The following QTMAN variants were observed in gnomAD, a reference collection of about 807,000 sequenced individuals.
QTMAN encodes tRNA-queuosine alpha-mannosyltransferase.
the QTMAN span, among the ~76,000 whole-genome samples, chr2:144,310,905 A>AT: frequency 8.1e-4 from 122 of 150,528 alleles, no homozygotes; most frequent in Middle Eastern, 0.014. Context: ...AGAAATAAAG[A>AT]TTTTTTTTTT....
At chr2:144,187,917 AT>A in the QTMAN span, among the ~76,000 whole-genome samples, 4 of 152,210 alleles carry the variant, frequency 2.6e-5, no homozygotes, top group African/African-American at 7.2e-5. Context: ...GTTTTTCCTT[AT>A]AAAAAAGGAC....
chr2:144,227,820 C>T, the QTMAN span, among the ~76,000 whole-genome samples: 2 of 152,190 alleles, frequency 1.3e-5, no homozygotes, highest in African/African-American at 4.8e-5. Flanking sequence ...AATTCCCATT[C>T]TCCTTGCCTT....
At chr2:144,267,197 G>A in the QTMAN span, among the ~76,000 whole-genome samples, 12 of 152,194 alleles carry the variant, frequency 7.9e-5, no homozygotes, top group African/African-American at 2.9e-4. Flanking sequence ...ATCAGAGTGT[G>A]AGAATTATGA....
At chr2:144,004,647 T>C in the QTMAN span, among the ~76,000 whole-genome samples, 1 of 152,026 alleles carries the variant, frequency 6.6e-6, no homozygotes, top group African/African-American at 2.4e-5. Flanking sequence ...AAGAAACTGA[T>C]TGCTACCCCT....
At chr2:144,234,007 C>CA in the QTMAN span, among the ~76,000 whole-genome samples, 24 of 148,230 alleles carry the variant, frequency 1.6e-4, no homozygotes, top group Non-Finnish European at 2.5e-4. Flanking sequence ...AAATCCAGGC[C>CA]AAAAAAAAAG....
chr2:144,056,428 C>T, the QTMAN span, among the ~76,000 whole-genome samples: 2 of 152,182 alleles, frequency 1.3e-5, no homozygotes, highest in East Asian at 1.9e-4. Context: ...TTCAGGGTCA[C>T]GAGCCCCTCT....
At chr2:144,012,699 GC>G in the QTMAN span, among the ~76,000 whole-genome samples, 1 of 152,130 alleles carries the variant, frequency 6.6e-6, no homozygotes, top group Non-Finnish European at 1.5e-5. Context: ...ATAAATAAAT[GC>G]CCAAGGGTAA....
At chr2:144,003,213 G>A in the QTMAN span, among the ~76,000 whole-genome samples, 1 of 151,492 alleles carries the variant, frequency 6.6e-6, no homozygotes, top group Non-Finnish European at 1.5e-5. Flanking sequence ...TAATTTTTAA[G>A]AGTATGAAGG....
At chr2:144,156,919 C>T in the QTMAN span, among the ~76,000 whole-genome samples, 1 of 151,976 alleles carries the variant, frequency 6.6e-6, no homozygotes, top group Non-Finnish European at 1.5e-5. Flanking sequence ...CACTTCTTTA[C>T]CAGGTGACTG....
At chr2:143,980,167 C>T in the QTMAN span, among the ~76,000 whole-genome samples, 5 of 152,116 alleles carry the variant, frequency 3.3e-5, no homozygotes, top group Non-Finnish European at 5.9e-5. Flanking sequence ...AGCTATTCTA[C>T]CTGATGCTCT....
At chr2:144,190,645 T>C in the QTMAN span, among the ~76,000 whole-genome samples, 1 of 152,222 alleles carries the variant, frequency 6.6e-6, no homozygotes, top group African/African-American at 2.4e-5. Context: ...TAATCACTGA[T>C]GCCTAAATAA....
chr2:144,309,453 A>G, the QTMAN span, among the ~76,000 whole-genome samples: 1 of 152,222 alleles, frequency 6.6e-6, no homozygotes, highest in Non-Finnish European at 1.5e-5. Context: ...GGAACAAACT[A>G]ATGACACATA....
the QTMAN span, among the ~76,000 whole-genome samples, chr2:144,234,315 C>A: frequency 2.0e-5 from 3 of 152,106 alleles, no homozygotes; most frequent in African/African-American, 7.2e-5. Context: ...GCTGCTGCAA[C>A]CTTCAACTAA....
At chr2:144,235,755 A>G in the QTMAN span, 3 of 152,534 alleles carry the variant, frequency 2.0e-5, no homozygotes, top group African/African-American at 7.2e-5. Flanking sequence ...ATCACAAAAG[A>G]CATAGTTAGT....
At chr2:143,946,802 G>A in the QTMAN span, 3 of 477,846 alleles carry the variant, frequency 6.3e-6, no homozygotes, top group African/African-American at 3.9e-5. Context: ...ATGTGATGCC[G>A]AGGACATGTG....
the QTMAN span, among the ~76,000 whole-genome samples, chr2:144,307,188 TAAAAAAA>T: frequency 2.5e-5 from 2 of 81,272 alleles, no homozygotes; most frequent in Non-Finnish European, 2.6e-5. Flanking sequence ...AAAAAACAAT[TAAAAAAA>T]AAAAAAAGAA....
the QTMAN span, among the ~76,000 whole-genome samples, chr2:144,110,908 T>G: frequency 6.6e-6 from 1 of 152,174 alleles, no homozygotes; most frequent in Admixed American, 6.5e-5. Context: ...TCAGGGCCTT[T>G]CCAGTGCACT....
At chr2:144,280,025 G>T in the QTMAN span, among the ~76,000 whole-genome samples, 5 of 152,184 alleles carry the variant, frequency 3.3e-5, no homozygotes, top group Non-Finnish European at 7.3e-5. Context: ...AGAAAATGTT[G>T]CCTTGGACTG....
At chr2:144,215,243 AT>A in the QTMAN span, among the ~76,000 whole-genome samples, 25 of 147,962 alleles carry the variant, frequency 1.7e-4, no homozygotes, top group African/African-American at 3.8e-4. Context: ...TCCTGTCTTT[AT>A]TTTTTAAAAA....
Sources: gnomAD v4.1 joint callset for allele counts (sites outside exome capture counted in the v4.1 genomes callset) on GRCh38, gnomAD v4.1.1 for gene constraint, MANE v1.5 for transcripts, NCBI Gene and HGNC (gene_info 2026-07-23, HGNC 2026-07-21) for gene names.